The following ARHGAP6 variants were observed in gnomAD, a reference collection of about 807,000 sequenced individuals.
ARHGAP6 encodes rho GTPase-activating protein 6.
A neutral mutation model predicts 55.7 loss-of-function variants in ARHGAP6; 16 were observed. The observed-to-expected ratio is 0.29, with a 90% CI of 0.19 to 0.44. The LOEUF is 0.44. Ranked by LOEUF, ARHGAP6 falls within the 20% of genes least tolerant of loss-of-function variation. ARHGAP6 has a pLI of 1.00. For synonymous variants in ARHGAP6, 382 were observed against 360.9 expected (o/e 1.06, Z -0.66); for missense variants, 698 against 808.9 (o/e 0.86, Z 1.66).
intron 2 of ARHGAP6, among the ~76,000 whole-genome samples, chrX:11,208,463 A>T (rs1453001836): frequency 1.8e-5 from 2 of 111,628 alleles, no homozygotes. Flanking sequence ...TTAGGAAGAG[A>T]GAGAGAGAAT....
chrX:11,230,964 T>C (rs1473455000), intron 2 of ARHGAP6, among the ~76,000 whole-genome samples: 1 of 110,777 alleles, frequency 9.0e-6, no homozygotes, highest in African/African-American at 3.3e-5. Flanking sequence ...CATAGATTAC[T>C]TCAGGGTTCA....
intron 1 of ARHGAP6, among the ~76,000 whole-genome samples, chrX:11,544,251 C>A (rs1370561685): frequency 8.9e-6 from 1 of 112,380 alleles, no homozygotes; most frequent in African/African-American, 3.2e-5. Flanking sequence ...CAATGCATGA[C>A]TACAGGATCT....
chrX:11,494,285 T>C (rs1050113774), intron 1 of ARHGAP6, among the ~76,000 whole-genome samples: 3 of 112,153 alleles, frequency 2.7e-5, no homozygotes, highest in Non-Finnish European at 5.6e-5. Flanking sequence ...CTAATATGTT[T>C]TCTTTTAAAA....
chrX:11,354,295 T>TTCTCTCTCTC (rs1206233633), intron 1 of ARHGAP6, among the ~76,000 whole-genome samples: 12 of 41,047 alleles, frequency 2.9e-4, no homozygotes, highest in African/African-American at 4.0e-4. Flanking sequence ...CTCTCTCTCT[T>TTCTCTCTCTC]TCTCTCTCTC....
In ARHGAP6 at chrX:11,453,208, AAT is replaced by A. The variant is rs760687069; in HGVS notation, c.589-198503_589-198502del. Among the ~76,000 whole-genome samples, 159 of 99,303 alleles carry A rather than the reference AAT, an allele frequency of 1.6e-3. 1 individual carries two copies. The highest frequency in any genetic ancestry group is 5.5e-3 in the African/African-American group (152 of 27,549). The allele number at this position is 99,303 out of a possible 115,157, so 86.2% of individuals were successfully genotyped here. A position where few individuals can be genotyped will look rare whatever the true frequency, so the allele number is the denominator to read the frequency against. On this transcript the variant is annotated intron_variant, in intron 1 of 12. Coordinates refer to ENST00000337414, the MANE Select transcript of ARHGAP6 (RefSeq NM_013427.3). ...TCTCTCTCTCTCTATATATATACAT[AAT>A]ATATATATATGCTATATATATACAT...
At chrX:11,643,280 C>T (rs1346478664) in intron 1 of ARHGAP6, among the ~76,000 whole-genome samples, 1 of 111,837 alleles carries the variant, frequency 8.9e-6, no homozygotes, top group Non-Finnish European at 1.9e-5. Context: ...CAGAGGTTCC[C>T]ATCTACAAAT....
intron 1 of ARHGAP6, among the ~76,000 whole-genome samples, chrX:11,548,064 C>A (rs1157427019): frequency 7.2e-5 from 8 of 111,437 alleles, no homozygotes; most frequent in Non-Finnish European, 1.9e-5. Flanking sequence ...TGGGGACCAC[C>A]CCCAGAGATT....
Position 11,603,403 on chromosome X carries a change from T to C in ARHGAP6, c.588+60838A>G, listed in dbSNP as rs996737189. On this transcript the variant is annotated intron_variant, in intron 1 of 12. Transcript: ENST00000337414. Reference sequence around the variant, plus strand: ...TTTTGCTTTTTCACACAAAACAAGGTACAAAATAATGCTCTAGAAAGTGTT... The same window carrying C: ...TTTTGCTTTTTCACACAAAACAAGGCACAAAATAATGCTCTAGAAAGTGTT... 2.7e-5 allele frequency among the ~76,000 whole-genome samples: 3 copies of C among 112,035 alleles called. No individual in the cohort carries two copies. The Admixed American group carries it at 2.8e-4, about 11-fold the overall frequency.
chrX:11,383,328 T>G (rs1013224049), intron 1 of ARHGAP6, among the ~76,000 whole-genome samples: 3 of 111,103 alleles, frequency 2.7e-5, no homozygotes, highest in Non-Finnish European at 5.7e-5. Flanking sequence ...ATGAGGGAAA[T>G]CCTTTGATAG....
intron 1 of ARHGAP6, among the ~76,000 whole-genome samples, chrX:11,408,980 C>A (rs1195731047): frequency 1.8e-5 from 2 of 110,127 alleles, no homozygotes; most frequent in Non-Finnish European, 3.8e-5. Context: ...GTTTCTATAA[C>A]TTCCCCTTAC....
chrX:11,532,239 G>A (rs760766157), intron 1 of ARHGAP6, among the ~76,000 whole-genome samples: 63 of 112,501 alleles, frequency 5.6e-4, no homozygotes, highest in Non-Finnish European at 1.1e-3. Context: ...TTAAAGACAA[G>A]GTCTTAAAGT....
intron 1 of ARHGAP6, among the ~76,000 whole-genome samples, chrX:11,446,697 G>A (rs891910374): frequency 5.4e-5 from 6 of 111,905 alleles, no homozygotes; most frequent in African/African-American, 1.9e-4. Flanking sequence ...TCAGAGGGTG[G>A]CAACCTTAAT....
At chrX:11,206,260 T>G (rs2046702827) in intron 2 of ARHGAP6, among the ~76,000 whole-genome samples, 1 of 107,090 alleles carries the variant, frequency 9.3e-6, no homozygotes. Context: ...AAAAATAACC[T>G]TATATTCAAT....
intron 1 of ARHGAP6, among the ~76,000 whole-genome samples, chrX:11,363,423 A>C (rs1236494267): frequency 8.9e-6 from 1 of 112,289 alleles, no homozygotes; most frequent in African/African-American, 3.2e-5. Flanking sequence ...GCTCAGGCCA[A>C]CAACATTAGC....
At position 11,628,984 on chromosome X, in the gene ARHGAP6, CGTGTGTGT is replaced by C. The variant is rs55999982; in HGVS notation, c.588+35249_588+35256del. On this transcript the variant is annotated intron_variant, in intron 1 of 12. Transcript: ENST00000337414. ...TATGATCATCCCCATGCTTCAGATA[CGTGTGTGT>C]GTGTGTGTGTGTGTGTGTGTGTGTG... 2.5e-3 allele frequency among the ~76,000 whole-genome samples: 256 copies of C among 101,470 alleles called. 1 individual carries two copies. The highest frequency in any genetic ancestry group is 6.7e-3 in the African/African-American group (188 of 27,956). The allele number at this position is 101,470 out of a possible 115,157, so 88.1% of individuals were successfully genotyped here.
intron 9 of ARHGAP6, among the ~76,000 whole-genome samples, chrX:11,158,149 C>T (rs2045888876): frequency 8.9e-6 from 1 of 112,016 alleles, no homozygotes; most frequent in South Asian, 3.7e-4. Context: ...GCTACCCAAG[C>T]CTTAGCTCAA....
Position 11,227,968 on chromosome X carries a change from T to C in ARHGAP6, c.748+26580A>G, listed in dbSNP as rs1219264817. Among the ~76,000 whole-genome samples, 5 of 110,368 alleles carry C rather than the reference T, an allele frequency of 4.5e-5. No homozygotes were observed. In the East Asian group the frequency reaches 8.5e-4, roughly 19 times the overall value. On this transcript the variant is annotated intron_variant, in intron 2 of 12. Coordinates refer to ENST00000337414, the MANE Select transcript of ARHGAP6 (RefSeq NM_013427.3). ...TCATGTCACAGGAATACGGAAGAGA[T>C]TGTGTACTCATTTTTTACGTCTTCC...
chrX:11,387,761 T>C (rs1213043033), intron 1 of ARHGAP6, among the ~76,000 whole-genome samples: 1 of 110,339 alleles, frequency 9.1e-6, no homozygotes, highest in Non-Finnish European at 1.9e-5. Flanking sequence ...TGTCCATGTG[T>C]TCTTATTGTT....
intron 1 of ARHGAP6, among the ~76,000 whole-genome samples, chrX:11,308,883 G>T (rs1385467767): frequency 2.7e-5 from 3 of 112,173 alleles, no homozygotes; most frequent in Non-Finnish European, 5.6e-5. Flanking sequence ...TCCTTACTAT[G>T]ATTTGCTCTG....
Sources: gnomAD v4.1 joint callset for allele counts (sites outside exome capture counted in the v4.1 genomes callset) on GRCh38, gnomAD v4.1.1 for gene constraint, MANE v1.5 for transcripts, NCBI Gene and HGNC (gene_info 2026-07-23, HGNC 2026-07-21) for gene names.